SDK1: variants seen among roughly 807,000 people sequenced by gnomAD.
SDK1 encodes protein sidekick-1.
Under a neutral mutation model 245.5 loss-of-function variants are expected in SDK1, and 157 were observed. That is an observed-to-expected ratio of 0.64 (90% CI 0.56 to 0.73). The LOEUF (loss-of-function observed/expected upper bound fraction) is 0.73, where lower values mean the gene tolerates loss of function less well. Ranked by LOEUF, SDK1 falls within the 30% of genes least tolerant of loss-of-function variation. The probability of loss-of-function intolerance (pLI) is 0.00; values close to 1 mark genes in which losing one functional copy is unlikely to be tolerated. For synonymous variants in SDK1, 1,647 were observed against 1,278.5 expected (o/e 1.29, Z -6.15); for missense variants, 3,583 against 3,002.3 (o/e 1.19, Z -4.52).
intron 4 of SDK1, among the ~76,000 whole-genome samples, chr7:3,731,673 A>G (rs776804982): frequency 5.9e-5 from 9 of 152,210 alleles, no homozygotes; most frequent in Non-Finnish European, 1.0e-4. Context: ...AGCCCCAGGA[A>G]TACAAACACC....
intron 5 of SDK1, among the ~76,000 whole-genome samples, chr7:3,900,305 C>G (rs891760649): frequency 7.9e-5 from 12 of 152,200 alleles, no homozygotes; most frequent in African/African-American, 2.7e-4. Flanking sequence ...TGAACAGAGT[C>G]TAAAATTTAC....
chr7:4,221,421 A>C (rs748403859), intron 40 of SDK1, 57 bp downstream of exon 40: 50 of 1,537,872 alleles, frequency 3.3e-5, no homozygotes, highest in Non-Finnish European at 4.4e-5. Context: ...AGTGCTTCTA[A>C]GACTGTGTCG....
intron 4 of SDK1, among the ~76,000 whole-genome samples, chr7:3,727,527 G>T (rs568870638): frequency 2.6e-5 from 4 of 152,190 alleles, no homozygotes; most frequent in Admixed American, 6.5e-5. Flanking sequence ...GCCTCGCTCT[G>T]TCACTCAGGC....
chr7:3,770,457 T>A (rs965684862), intron 4 of SDK1, among the ~76,000 whole-genome samples: 2 of 152,188 alleles, frequency 1.3e-5, no homozygotes, highest in Admixed American at 1.3e-4. Context: ...TTATCTGAGA[T>A]AAAAATCTCA....
chr7:3,490,392 C>T (rs1377653870), intron 1 of SDK1, among the ~76,000 whole-genome samples: 1 of 152,140 alleles, frequency 6.6e-6, no homozygotes, highest in African/African-American at 2.4e-5. Context: ...GAAATTTGGC[C>T]TAGGCACTGT....
At chr7:3,647,881 A>G (rs1782898994) in intron 4 of SDK1, among the ~76,000 whole-genome samples, 1 of 152,196 alleles carries the variant, frequency 6.6e-6, no homozygotes, top group African/African-American at 2.4e-5. Context: ...AGAAGGGGAA[A>G]AAAAATGAGA....
chr7:3,743,521 A>T (rs1460572204), intron 4 of SDK1, among the ~76,000 whole-genome samples: 1 of 152,200 alleles, frequency 6.6e-6, no homozygotes, highest in African/African-American at 2.4e-5. Flanking sequence ...GTCTCTAACA[A>T]AATGCACTTA....
chr7:4,207,057 A>G (rs1396696841), intron 36 of SDK1, among the ~76,000 whole-genome samples: 1 of 152,242 alleles, frequency 6.6e-6, no homozygotes, highest in Non-Finnish European at 1.5e-5. Context: ...TCAAGTTAGC[A>G]AGGCCTGGGC....
chr7:3,947,179 G>A (rs1358351159), intron 5 of SDK1, among the ~76,000 whole-genome samples: 2 of 151,868 alleles, frequency 1.3e-5, no homozygotes, highest in South Asian at 2.1e-4. Flanking sequence ...ACACACACAC[G>A]CTTCTTTATT....
At chr7:3,570,153 A>G (rs945203424) in intron 1 of SDK1, among the ~76,000 whole-genome samples, 1 of 152,192 alleles carries the variant, frequency 6.6e-6, no homozygotes, top group Non-Finnish European at 1.5e-5. Flanking sequence ...TGGCTTTTTA[A>G]GTATCCCTTG....
chr7:4,112,983 A>G (rs111240432), intron 23 of SDK1, among the ~76,000 whole-genome samples: 4 of 151,830 alleles, frequency 2.6e-5, no homozygotes, highest in African/African-American at 9.7e-5. Context: ...GGAACTCTTC[A>G]CCTCAGGTGA....
In SDK1 at chr7:4,195,255, G is replaced by A. The variant is rs114609860; in HGVS notation, c.5099-10624G>A. Among the ~76,000 whole-genome samples the A allele has an allele frequency of 8.0e-3, 1,217 of 152,306 alleles. 20 individuals carry two copies. Among genetic ancestry groups the A allele is most frequent in the African/African-American group, 0.027 (1,142 of 41,558 alleles). On this transcript the variant is annotated intron_variant, in intron 35 of 44. Transcript: ENST00000404826. ...TCTAGCAACTCTGAAATGGTGCACC[G>A]TGATTTCTTATAGTCACGCGATGCG...
At chr7:3,804,295 T>A (rs1779185428) in intron 4 of SDK1, among the ~76,000 whole-genome samples, 1 of 152,242 alleles carries the variant, frequency 6.6e-6, no homozygotes, top group African/African-American at 2.4e-5. Context: ...AGGTCAGTTT[T>A]CTTTTTTCTT....
At chr7:3,647,222 G>T (rs910334389) in intron 4 of SDK1, among the ~76,000 whole-genome samples, 9 of 152,292 alleles carry the variant, frequency 5.9e-5, no homozygotes, top group Non-Finnish European at 1.2e-4. Flanking sequence ...TAGCAGTCTA[G>T]CCTGGATGGT....
intron 4 of SDK1, among the ~76,000 whole-genome samples, chr7:3,798,313 G>A (rs1346445992): frequency 6.8e-6 from 1 of 148,124 alleles, no homozygotes; most frequent in African/African-American, 2.5e-5. Context: ...TACCTCCTGG[G>A]TTCACACCAT....
At chr7:3,910,553 G>A (rs958283237) in intron 5 of SDK1, among the ~76,000 whole-genome samples, 5 of 152,122 alleles carry the variant, frequency 3.3e-5, no homozygotes, top group East Asian at 1.9e-4. Context: ...TACCTTCGGC[G>A]CTACCATCCT....
chr7:4,190,534 C>T (rs756481095), intron 35 of SDK1, among the ~76,000 whole-genome samples: 7 of 152,240 alleles, frequency 4.6e-5, no homozygotes, highest in Non-Finnish European at 1.0e-4. Flanking sequence ...ACGTTCCCTT[C>T]AGGCACAAAT....
chr7:3,525,898 A>G (rs889356099), intron 1 of SDK1, among the ~76,000 whole-genome samples: 4 of 152,150 alleles, frequency 2.6e-5, no homozygotes, highest in African/African-American at 4.8e-5. Context: ...TAAAATTTGG[A>G]TAGGAATAGA....
chr7:3,755,219 AG>A (rs917976880), intron 4 of SDK1, among the ~76,000 whole-genome samples: 15 of 152,228 alleles, frequency 9.9e-5, no homozygotes, highest in Non-Finnish European at 1.5e-4. Context: ...CTTACTAGAA[AG>A]GGGGCGTGTT....
Sources: gnomAD v4.1 joint callset for allele counts (sites outside exome capture counted in the v4.1 genomes callset) on GRCh38, gnomAD v4.1.1 for gene constraint, MANE v1.5 for transcripts, NCBI Gene and HGNC (gene_info 2026-07-23, HGNC 2026-07-21) for gene names.